The following S100Z variants were observed in gnomAD, a reference collection of about 807,000 sequenced individuals.
S100Z encodes S100 calcium binding protein Z, also known as protein S100-Z.
In S100Z, 11 loss-of-function variants were observed where a neutral mutation model predicts 8.5. The observed-to-expected ratio is 1.30, with a 90% CI of 0.82 to 2.15. S100Z has a LOEUF of 2.15. Among genes scored for constraint, S100Z ranks in the 30% most tolerant of loss-of-function variants. The pLI, the probability that S100Z is intolerant of heterozygous loss-of-function variation, is 0.00. For missense variants in S100Z, 126 were observed against 117.9 expected, an observed-to-expected ratio of 1.07 and a Z score of -0.32; for synonymous variants, 34 against 43.8, an observed-to-expected ratio of 0.78 and a Z score of 0.89.
chr5:76,863,607 C>A (rs2460497), intron 1 of S100Z, among the ~76,000 whole-genome samples: 38 of 151,122 alleles, frequency 2.5e-4, no homozygotes, highest in African/African-American at 6.6e-4. Context: ...GGCGCGATCT[C>A]GGCTCACTGC....
At chr5:76,884,794 G>T (rs1401946317) in intron 4 of S100Z, among the ~76,000 whole-genome samples, 1 of 152,116 alleles carries the variant, frequency 6.6e-6, no homozygotes, top group Non-Finnish European at 1.5e-5. Context: ...TTGGGACCTG[G>T]CTTGGCCTGG....
chr5:76,859,045 C>T (rs868679462), intron 1 of S100Z, among the ~76,000 whole-genome samples: 6 of 152,052 alleles, frequency 3.9e-5, no homozygotes, highest in South Asian at 2.1e-4. Flanking sequence ...ACCCAGTAGG[C>T]GGAGGTTCCA....
chr5:76,918,497 G>A (rs1744928916), intron 4 of S100Z, among the ~76,000 whole-genome samples: 1 of 152,212 alleles, frequency 6.6e-6, no homozygotes, highest in African/African-American at 2.4e-5. Context: ...GTGAGCTACT[G>A]TGCCCAGTAG....
rs368271504 is a variant in S100Z at position 76,905,459 on chromosome 5, C to A, written c.*3-15258C>A. ...ATGGAGTCTCACTCTGTTGCCTAGG[C>A]TGGAGTGCAGTGGCATGATTTCGGT... is the stretch of plus-strand genomic sequence containing the variant. On this transcript the variant is annotated intron_variant, in intron 4 of 4. Transcript: ENST00000317593. 2.4e-4 allele frequency among the ~76,000 whole-genome samples: 36 copies of A among 152,162 alleles called. No homozygotes were observed. The East Asian group carries it at 6.6e-3, about 28-fold the overall frequency.
intron 4 of S100Z, among the ~76,000 whole-genome samples, chr5:76,888,300 A>G (rs1694799338): frequency 6.8e-6 from 1 of 146,198 alleles, no homozygotes; most frequent in Non-Finnish European, 1.5e-5. Context: ...TATTTTAGGC[A>G]GATAGAGAGG....
At chr5:76,893,846 G>A (rs913422073) in intron 4 of S100Z, among the ~76,000 whole-genome samples, 6 of 152,054 alleles carry the variant, frequency 3.9e-5, no homozygotes. Context: ...GTGCACCCTG[G>A]GTTTCTACTA....
chr5:76,861,019 A>T (rs1751039144), intron 1 of S100Z, among the ~76,000 whole-genome samples: 1 of 152,258 alleles, frequency 6.6e-6, no homozygotes, highest in South Asian at 2.1e-4. Context: ...GTAACAATTT[A>T]TCCCTAAATT....
chr5:76,928,887 G>C, the S100Z span, among the ~76,000 whole-genome samples: 16 of 152,348 alleles, frequency 1.1e-4, no homozygotes, highest in Middle Eastern at 3.4e-3. Context: ...CTGCAGAGGT[G>C]TGCCACCATG....
At position 76,921,527 on chromosome 5, in the gene S100Z, T is replaced by A. The variant is rs189245942; in HGVS notation, c.*813T>A. 3.9e-4 allele frequency: 59 copies of A among 152,360 alleles called. No homozygotes were observed. The highest frequency in any genetic ancestry group is 1.3e-3 in the African/African-American group (56 of 41,590). 9.4% of individuals were successfully genotyped at this position (152,360 alleles called of 1,614,324 possible). On this transcript the variant is annotated 3_prime_UTR_variant, in exon 5 of 5. Coordinates refer to ENST00000317593, the MANE Select transcript of S100Z (RefSeq NM_130772.4). ...GTTAACGATTATTTAAAAGTATTCA[T>A]AATTTTCTGATAATAAAAGTAAGAC...
At chr5:76,862,750 C>T (rs1281443520) in intron 1 of S100Z, among the ~76,000 whole-genome samples, 5 of 151,896 alleles carry the variant, frequency 3.3e-5, no homozygotes, top group South Asian at 2.1e-4. Flanking sequence ...TGCAGTGAGC[C>T]GAGATCAAGC....
intron 1 of S100Z, among the ~76,000 whole-genome samples, chr5:76,869,112 C>T (rs1742901388): frequency 6.6e-6 from 1 of 152,194 alleles, no homozygotes; most frequent in East Asian, 1.9e-4. Context: ...ATTCATCCAT[C>T]AGTGAGGATT....
At chr5:76,906,330 A>G (rs141247268) in intron 4 of S100Z, among the ~76,000 whole-genome samples, 278 of 152,298 alleles carry the variant, frequency 1.8e-3, no homozygotes, top group African/African-American at 6.3e-3. Context: ...TATGTAATAC[A>G]TTATTATTAA....
In S100Z at chr5:76,877,729, A is replaced by C; in HGVS notation, c.197A>C (p.Lys66Thr). 6.2e-7 allele frequency: 1 copy of C among 1,611,968 alleles called. No homozygotes were observed. Among genetic ancestry groups the C allele is most frequent in the Non-Finnish European group, 8.5e-7 (1 of 1,178,016 alleles). ...DKIVQDLDAN[K>T]DNEVDFNEFV... Reference sequence around the variant, plus strand: ...ATAGTGCAGGACCTGGATGCCAATAAGGACAACGAAGTGGATTTTAATGAA... The same window carrying C: ...ATAGTGCAGGACCTGGATGCCAATACGGACAACGAAGTGGATTTTAATGAA... The change falls in exon 4 of 5, where the codon AAG (lysine) becomes ACG (threonine). Residue 66 changes from lysine to threonine, a missense_variant. Coordinates refer to ENST00000317593, the MANE Select transcript of S100Z (RefSeq NM_130772.4).
At chr5:76,869,186 A>G (rs1742903699) in intron 1 of S100Z, among the ~76,000 whole-genome samples, 1 of 152,194 alleles carries the variant, frequency 6.6e-6, no homozygotes, top group South Asian at 2.1e-4. Flanking sequence ...TGAACCAGAT[A>G]TCAACCCTGA....
chr5:76,866,797 C>T (rs1043327890), intron 1 of S100Z, among the ~76,000 whole-genome samples: 3 of 152,220 alleles, frequency 2.0e-5, no homozygotes, highest in Non-Finnish European at 2.9e-5. Context: ...ACAAAATCAC[C>T]TAATGACGCA....
At chr5:76,926,189 T>G (rs999321187), downstream of S100Z, among the ~76,000 whole-genome samples, 2 of 151,936 alleles carry the variant, frequency 1.3e-5, no homozygotes, top group Non-Finnish European at 2.9e-5. Context: ...AGGAGTATAC[T>G]CTGGCCTAAC....
chr5:76,876,789 A>C (rs1743207508), intron 3 of S100Z, among the ~76,000 whole-genome samples: 1 of 152,212 alleles, frequency 6.6e-6, no homozygotes, highest in East Asian at 1.9e-4. Flanking sequence ...TTGATCAATT[A>C]AGTTTTTCTC....
chr5:76,911,722 G>A (rs1157630772), intron 4 of S100Z, among the ~76,000 whole-genome samples: 1 of 152,206 alleles, frequency 6.6e-6, no homozygotes, highest in African/African-American at 2.4e-5. Context: ...GGTACAAGGT[G>A]CCTAGATCGA....
chr5:76,872,104 A>ATGGT (rs1743031749), intron 2 of S100Z, among the ~76,000 whole-genome samples: 1 of 151,938 alleles, frequency 6.6e-6, no homozygotes, highest in Non-Finnish European at 1.5e-5. Flanking sequence ...TTAACCAGGA[A>ATGGT]TGGTGGTGTG....
Sources: allele counts gnomAD v4.1 joint callset (sites outside exome capture counted in the v4.1 genomes callset), GRCh38; gene constraint gnomAD v4.1.1; transcripts MANE v1.5; gene names NCBI Gene and HGNC (gene_info 2026-07-23, HGNC 2026-07-21).